CSMD1: variants seen among roughly 807,000 people sequenced by gnomAD.
CSMD1 encodes CUB and sushi domain-containing protein 1.
A neutral mutation model predicts 417.5 loss-of-function variants in CSMD1; 213 were observed. The ratio of observed to expected loss-of-function variants is 0.51; its 90% CI spans 0.46 to 0.57. The LOEUF is 0.57. Among genes scored for constraint, CSMD1 ranks in the 20% least tolerant of loss-of-function variants. The pLI, the probability that CSMD1 is intolerant of heterozygous loss-of-function variation, is 0.00. For synonymous variants in CSMD1, 2,862 were observed against 1,736.8 expected (o/e 1.65, Z -16.11); for missense variants, 6,923 against 4,529.7 (o/e 1.53, Z -15.17).
At chr8:2,986,774 G>A (rs543728766) in intron 54 of CSMD1, among the ~76,000 whole-genome samples, 1 of 152,238 alleles carries the variant, frequency 6.6e-6, no homozygotes, top group East Asian at 1.9e-4. Flanking sequence ...AAAGTGCTGG[G>A]ATTACAGGCG....
chr8:4,116,701 C>A (rs772527013), intron 3 of CSMD1, among the ~76,000 whole-genome samples: 2 of 152,016 alleles, frequency 1.3e-5, no homozygotes, highest in Non-Finnish European at 2.9e-5. Flanking sequence ...ATGGAACAAA[C>A]GCGCCATGCA....
chr8:3,311,868 T>C (rs902697906), intron 23 of CSMD1, among the ~76,000 whole-genome samples: 1 of 152,196 alleles, frequency 6.6e-6, no homozygotes, highest in Non-Finnish European at 1.5e-5. Flanking sequence ...CAGTAGTTTA[T>C]AGCCATAAGC....
intron 23 of CSMD1, among the ~76,000 whole-genome samples, chr8:3,320,492 G>A (rs1042443340): frequency 2.0e-5 from 3 of 152,178 alleles, no homozygotes; most frequent in African/African-American, 7.2e-5. Context: ...ACCTGAATTT[G>A]TTGCTGCTGT....
intron 1 of CSMD1, among the ~76,000 whole-genome samples, chr8:4,922,550 T>A (rs1806567543): frequency 6.6e-6 from 1 of 152,218 alleles, no homozygotes; most frequent in Non-Finnish European, 1.5e-5. Context: ...TTTCAGTTTT[T>A]AAGTGCACAT....
intron 5 of CSMD1, among the ~76,000 whole-genome samples, chr8:3,912,208 C>A (rs1354320641): frequency 6.6e-6 from 1 of 152,132 alleles, no homozygotes; most frequent in East Asian, 1.9e-4. Context: ...CGTTTTCTAA[C>A]TCTGATTCGA....
chr8:3,449,306 A>C (rs1271300740), intron 12 of CSMD1, among the ~76,000 whole-genome samples: 1 of 152,202 alleles, frequency 6.6e-6, no homozygotes, highest in Non-Finnish European at 1.5e-5. Flanking sequence ...TGCTTTTAAA[A>C]ATGTGAATCC....
At chr8:3,654,300 G>T (rs914164516) in intron 7 of CSMD1, among the ~76,000 whole-genome samples, 1 of 152,088 alleles carries the variant, frequency 6.6e-6, no homozygotes, top group African/African-American at 2.4e-5. Flanking sequence ...GAAATACAAA[G>T]ATTTATAAAA....
chr8:4,359,734 G>A (rs182901949), intron 3 of CSMD1, among the ~76,000 whole-genome samples: 1 of 152,170 alleles, frequency 6.6e-6, no homozygotes, highest in Non-Finnish European at 1.5e-5. Flanking sequence ...CTGTGGCCTG[G>A]CCCACTTCTA....
chr8:4,425,882 A>T (rs904329598), intron 2 of CSMD1, among the ~76,000 whole-genome samples: 2 of 152,136 alleles, frequency 1.3e-5, no homozygotes, highest in South Asian at 2.1e-4. Context: ...ATTTCAACAA[A>T]ATATGACATA....
chr8:3,422,287 G>A (rs1277112281), intron 12 of CSMD1, among the ~76,000 whole-genome samples: 5 of 152,116 alleles, frequency 3.3e-5, no homozygotes, highest in African/African-American at 1.2e-4. Flanking sequence ...CTGGGTACCT[G>A]ATCAATGCTC....
At chr8:3,942,105 C>G (rs951215644) in intron 5 of CSMD1, among the ~76,000 whole-genome samples, 4 of 151,650 alleles carry the variant, frequency 2.6e-5, no homozygotes, top group South Asian at 4.2e-4. Context: ...AATCTAATGC[C>G]TGATGATCTG....
chr8:4,417,657 G>A (rs531190118), intron 3 of CSMD1, among the ~76,000 whole-genome samples: 1 of 152,012 alleles, frequency 6.6e-6, no homozygotes, highest in East Asian at 1.9e-4. Context: ...CAAATAACAG[G>A]ATCCGTGGGC....
intron 7 of CSMD1, among the ~76,000 whole-genome samples, chr8:3,701,368 C>T (rs918820169): frequency 1.3e-5 from 2 of 152,082 alleles, no homozygotes; most frequent in African/African-American, 4.8e-5. Context: ...TTTTCTTTGT[C>T]TCAGCTTCTA....
chr8:4,763,993 G>A (rs975962046), intron 1 of CSMD1, among the ~76,000 whole-genome samples: 4 of 152,186 alleles, frequency 2.6e-5, no homozygotes, highest in East Asian at 1.9e-4. Context: ...GAAAACCAAC[G>A]TCTAGTTTTT....
chr8:4,264,728 G>C (rs566916285), intron 3 of CSMD1, among the ~76,000 whole-genome samples: 5 of 152,198 alleles, frequency 3.3e-5, no homozygotes, highest in African/African-American at 9.6e-5. Flanking sequence ...AACTGCCCAG[G>C]GGTAGGGAAC....
intron 2 of CSMD1, among the ~76,000 whole-genome samples, chr8:4,456,235 G>T (rs563477161): frequency 6.6e-6 from 1 of 152,106 alleles, no homozygotes; most frequent in East Asian, 1.9e-4. Context: ...CAGAAAATAT[G>T]CTTTAAAATA....
intron 41 of CSMD1, among the ~76,000 whole-genome samples, chr8:3,138,197 G>A (rs1445795078): frequency 6.6e-6 from 1 of 152,226 alleles, no homozygotes; most frequent in Admixed American, 6.5e-5. Context: ...CTGCACTCCA[G>A]CCTGGACAAC....
At chr8:4,741,143 A>G (rs1268171858) in intron 1 of CSMD1, among the ~76,000 whole-genome samples, 2 of 152,102 alleles carry the variant, frequency 1.3e-5, no homozygotes. Context: ...AAATGTGTAC[A>G]CCCTTCTTTT....
At chr8:3,015,159 G>T (rs1005397946) in intron 52 of CSMD1, among the ~76,000 whole-genome samples, 11 of 151,334 alleles carry the variant, frequency 7.3e-5, no homozygotes, top group African/African-American at 2.7e-4. Flanking sequence ...GAATGAATTT[G>T]GTTCTTGTTT....
Sources: allele counts gnomAD v4.1 joint callset (sites outside exome capture counted in the v4.1 genomes callset), GRCh38; gene constraint gnomAD v4.1.1; transcripts MANE v1.5; gene names NCBI Gene and HGNC (gene_info 2026-07-23, HGNC 2026-07-21).